The following ZNF487 variants were observed in gnomAD, a reference collection of about 807,000 sequenced individuals.
The protein encoded by ZNF487 is zinc finger protein 487.
ZNF487 carries 4 observed loss-of-function variants against 3.0 expected under a neutral mutation model. The observed-to-expected ratio is 1.35, with a 90% CI of 0.66 to 3.08. The LOEUF is 3.08. Among genes scored for constraint, ZNF487 ranks in the 30% most tolerant of loss-of-function variants. The pLI is 0.01. For missense variants in ZNF487, 146 were observed against 98.7 expected, an observed-to-expected ratio of 1.48 and a Z score of -2.03; for synonymous variants, 55 against 34.6, an observed-to-expected ratio of 1.59 and a Z score of -2.06.
chr10:43,503,381 G>A, the ZNF487 span, among the ~76,000 whole-genome samples: 1 of 152,144 alleles, frequency 6.6e-6, no homozygotes, highest in Admixed American at 6.6e-5. Flanking sequence ...AAATGTTAAA[G>A]TAAAAAGTGT....
intron 1 of ZNF487, among the ~76,000 whole-genome samples, chr10:43,462,893 C>G (rs1223875798): frequency 6.6e-6 from 1 of 152,052 alleles, no homozygotes; most frequent in Non-Finnish European, 1.5e-5. Context: ...CCTCAGCCCC[C>G]TGAGTAGCTG....
At chr10:43,493,532 A>G in the ZNF487 span, among the ~76,000 whole-genome samples, 11,422 of 151,066 alleles carry the variant, frequency 0.076, 602 homozygotes, top group East Asian at 0.2. Context: ...TGTCTCTACA[A>G]ACAGTAAAAA....
At chr10:43,477,033 A>T (rs979159040) in intron 3 of ZNF487, among the ~76,000 whole-genome samples, 1 of 152,170 alleles carries the variant, frequency 6.6e-6, no homozygotes, top group Non-Finnish European at 1.5e-5. Context: ...TAAGAGATAG[A>T]CACATAAATT....
intron 1 of ZNF487, among the ~76,000 whole-genome samples, chr10:43,473,521 C>CT (rs1343947839): frequency 1.3e-5 from 2 of 151,436 alleles, no homozygotes; most frequent in East Asian, 3.9e-4. Context: ...CCTTTTTTCC[C>CT]TTTTTTCTTT....
chr10:43,511,731 C>T, the ZNF487 span, among the ~76,000 whole-genome samples: 5 of 152,266 alleles, frequency 3.3e-5, no homozygotes, highest in South Asian at 8.3e-4. Flanking sequence ...GCCCATTAGG[C>T]GACGACAGGG....
At chr10:43,440,636 C>A (rs1266251561) in intron 1 of ZNF487, among the ~76,000 whole-genome samples, 1 of 149,798 alleles carries the variant, frequency 6.7e-6, no homozygotes, top group Non-Finnish European at 1.5e-5. Flanking sequence ...CCAGCCTGGG[C>A]AACAGAGTGA....
At chr10:43,490,499 A>ATT in the ZNF487 span, among the ~76,000 whole-genome samples, 1 of 40,780 alleles carries the variant, frequency 2.5e-5, no homozygotes, top group Non-Finnish European at 6.1e-5. Context: ...AAGTAGCTCT[A>ATT]CTTTTTTTTT....
the ZNF487 span, among the ~76,000 whole-genome samples, chr10:43,520,034 A>C: frequency 2.6e-5 from 4 of 152,196 alleles, no homozygotes; most frequent in African/African-American, 7.2e-5. Flanking sequence ...TTCTTGTTAC[A>C]TACATTTTAG....
At chr10:43,508,514 T>A in the ZNF487 span, among the ~76,000 whole-genome samples, 2 of 152,018 alleles carry the variant, frequency 1.3e-5, no homozygotes, top group Non-Finnish European at 2.9e-5. Flanking sequence ...AAACCACAGT[T>A]AAAATAATAT....
At chr10:43,516,253 A>G in the ZNF487 span, among the ~76,000 whole-genome samples, 1 of 152,192 alleles carries the variant, frequency 6.6e-6, no homozygotes, top group African/African-American at 2.4e-5. Flanking sequence ...TTGCATAACT[A>G]TCTAAACAGT....
At chr10:43,499,853 T>A in the ZNF487 span, among the ~76,000 whole-genome samples, 1 of 152,110 alleles carries the variant, frequency 6.6e-6, no homozygotes, top group African/African-American at 2.4e-5. Context: ...ATATAATCTG[T>A]TGTCTTTCTA....
chr10:43,483,027 C>T lies in ZNF487; in HGVS notation c.*1105C>T. ...ATATAATGAAAGCTTTTACCAGAAT[C>T]CCAACTTCACTAAATGTCAGAGAGA... On this transcript the variant is annotated 3_prime_UTR_variant, in exon 4 of 4. Transcript: ENST00000437590. 2.1e-6 allele frequency: 1 copy of T among 471,648 alleles called. No homozygotes were observed. The highest frequency in any genetic ancestry group is 3.2e-4 in the Middle Eastern group (1 of 3,098). The allele number at this position is 471,648 out of a possible 1,614,324, so 29.2% of individuals were successfully genotyped here.
At chr10:43,498,093 ATATATATTTTTTTTTTTTTTCTTTTTTT>A in the ZNF487 span, among the ~76,000 whole-genome samples, 92 of 13,224 alleles carry the variant, frequency 7.0e-3, no homozygotes, top group African/African-American at 0.011. Flanking sequence ...ATATATATAT[ATATATATTTTTTTTTTTTTTCTTTTTTT>A]TTTTTTTTTT....
intron 1 of ZNF487, among the ~76,000 whole-genome samples, chr10:43,448,484 T>C (rs1183622784): frequency 6.6e-6 from 1 of 152,066 alleles, no homozygotes; most frequent in Non-Finnish European, 1.5e-5. Flanking sequence ...GTTTGACCTG[T>C]GTGGGTCTAT....
the ZNF487 span, among the ~76,000 whole-genome samples, chr10:43,518,554 T>C: frequency 1.3e-5 from 2 of 152,138 alleles, no homozygotes; most frequent in Non-Finnish European, 2.9e-5. Flanking sequence ...TCTTGCCATA[T>C]TGCCCCTTAT....
chr10:43,450,205 G>A (rs1173589835), intron 1 of ZNF487, among the ~76,000 whole-genome samples: 7 of 151,926 alleles, frequency 4.6e-5, no homozygotes, highest in Non-Finnish European at 1.0e-4. Context: ...CACCACACCC[G>A]GCTAGGCTAA....
intron 3 of ZNF487, among the ~76,000 whole-genome samples, chr10:43,479,747 A>G (rs1841240850): frequency 1.3e-5 from 2 of 152,126 alleles, no homozygotes; most frequent in Admixed American, 1.3e-4. Flanking sequence ...TCTCGGGTTC[A>G]AGTGACTCTA....
chr10:43,509,888 G>A, the ZNF487 span, among the ~76,000 whole-genome samples: 63 of 152,068 alleles, frequency 4.1e-4, no homozygotes, highest in Middle Eastern at 6.8e-3. Flanking sequence ...CAAGTCCACC[G>A]GTTGTCAACT....
intron 1 of ZNF487, among the ~76,000 whole-genome samples, chr10:43,473,882 C>T (rs1047583870): frequency 3.3e-5 from 5 of 151,906 alleles, no homozygotes; most frequent in Non-Finnish European, 5.9e-5. Context: ...AAAATCTGCC[C>T]GATGCAGTGA....
Sources: gnomAD v4.1 joint callset for allele counts (sites outside exome capture counted in the v4.1 genomes callset) on GRCh38, gnomAD v4.1.1 for gene constraint, MANE v1.5 for transcripts, NCBI Gene and HGNC (gene_info 2026-07-23, HGNC 2026-07-21) for gene names.